The following SLC29A1 variants were observed in gnomAD, a reference collection of about 807,000 sequenced individuals.
SLC29A1 encodes solute carrier family 29 member 1 (Augustine blood group), also known as equilibrative nucleoside transporter 1.
SLC29A1 carries 22 observed loss-of-function variants against 48.3 expected under a neutral mutation model. That is an observed-to-expected ratio of 0.46 (90% CI 0.33 to 0.65). The LOEUF is 0.65. Ranked by LOEUF, SLC29A1 falls within the 30% of genes least tolerant of loss-of-function variation. The pLI is 0.03. For synonymous variants in SLC29A1, 228 were observed against 231.0 expected, an observed-to-expected ratio of 0.99 and a Z score of 0.12; for missense variants, 491 against 575.3, an observed-to-expected ratio of 0.85 and a Z score of 1.50.
chr6:44,229,797 T>C lies in SLC29A1; in HGVS notation c.314+6T>C. On this transcript the variant is annotated splice_donor_region_variant and intron_variant, in intron 4 of 12. Transcript: ENST00000371755. The surrounding 1 kb of genome is among the most constrained non-coding windows in gnomAD (Gnocchi z 5.1). The stretch of plus-strand genomic sequence containing the variant: ...AACTCCTTCCTGCATCAGAGGTGAG[T>C]GCCCACCCCCTCCCCAGCCCCCAGC... 2 of 1,612,770 alleles carry C rather than the reference T, an allele frequency of 1.2e-6. No homozygotes were observed. Among genetic ancestry groups the C allele is most frequent in the Non-Finnish European group, 1.7e-6 (2 of 1,179,372 alleles).
chr6:44,228,118 GAAGT>G (rs1347260214), intron 2 of SLC29A1, among the ~76,000 whole-genome samples: 1 of 152,150 alleles, frequency 6.6e-6, no homozygotes, highest in Non-Finnish European at 1.5e-5. Context: ...AGTGGATCTA[GAAGT>G]AAGGGAATTT....
In SLC29A1 at chr6:44,232,367, G is replaced by T. The variant is rs769473233; in HGVS notation, c.998G>T (p.Cys333Phe). Reference protein sequence around the residue: ...TWERYFIPVSCFLTFNIFDWL... With the variant: ...TWERYFIPVSFFLTFNIFDWL... ...GAACGTTACTTCATTCCTGTGTCCT[G>T]TTTCTTGACTTTCAATATCTTTGAC... is the stretch of plus-strand genomic sequence containing the variant. Residue 333 changes from cysteine to phenylalanine, a missense_variant, in exon 11 of 13, where the codon TGT becomes TTT. Cys to Phe is a radical substitution (Grantham distance 205). Transcript: ENST00000371755. This position sits in a 1 kb window ranked among gnomAD's most constrained non-coding sequence, Gnocchi z 4.7. 6.2e-7 allele frequency: 1 copy of T among 1,613,556 alleles called. No individual in the cohort carries two copies. Among genetic ancestry groups the T allele is most frequent in the Admixed American group, 1.7e-5 (1 of 60,018 alleles).
At chr6:44,227,230 G>A in intron 1 of SLC29A1, 33 bp from the exon 2 acceptor site, 4 of 1,599,058 alleles carry the variant, frequency 2.5e-6, no homozygotes, top group Non-Finnish European at 3.4e-6. Context: ...GCAGGGCCAA[G>A]ACAGGGCCTC....
chr6:44,221,580 C>T (rs1237720456), upstream of SLC29A1: 4 of 1,243,674 alleles, frequency 3.2e-6, no homozygotes, highest in African/African-American at 1.5e-5. The surrounding 1 kb of genome is among the most constrained non-coding windows in gnomAD (Gnocchi z 4.2). Flanking sequence ...CCCACCCCTT[C>T]GACAGGGACC....
Position 44,232,325 on chromosome 6 carries a change from G to A in SLC29A1, c.974-18G>A, listed in dbSNP as rs755277643. ...GCCTCTGTGAGCCTGATAACCACCCGTTCATCTCCTCTTCCAGAACGTTAC... is the reference window on the plus strand; with the variant it reads ...GCCTCTGTGAGCCTGATAACCACCCATTCATCTCCTCTTCCAGAACGTTAC... On this transcript the variant is annotated intron_variant, in intron 10 of 12. Coordinates refer to ENST00000371755, the MANE Select transcript of SLC29A1 (RefSeq NM_001372327.1). The surrounding 1 kb of genome is among the most constrained non-coding windows in gnomAD (Gnocchi z 4.7). 7.0e-6 allele frequency: 11 copies of A among 1,580,708 alleles called. No homozygotes were observed. Among genetic ancestry groups the A allele is most frequent in the South Asian group, 4.4e-5 (4 of 90,384 alleles).
At chr6:44,231,318 G>T in intron 8 of SLC29A1, 46 bp from the exon 9 acceptor site, 1 of 1,259,340 alleles carries the variant, frequency 7.9e-7, no homozygotes, top group East Asian at 2.5e-5. Flanking sequence ...GTTGTCTTCT[G>T]TTGCTCTGTC....
chr6:44,233,496 GT>G lies in SLC29A1; in HGVS notation c.1343del (p.Phe448SerfsTer44). 1 of 1,614,094 alleles carries G rather than the reference GT, an allele frequency of 6.2e-7. No homozygotes were observed. Among genetic ancestry groups the G allele is most frequent in the East Asian group, 2.2e-5 (1 of 44,878 alleles). On this transcript the variant is annotated frameshift_variant, in exon 13 of 13. Coordinates refer to ENST00000371755, the MANE Select transcript of SLC29A1 (RefSeq NM_001372327.1). LOFTEE classifies it high-confidence loss of function. ...FLCLGLALGA[V>X]FSFLFRAIV is the part of the protein sequence containing the mutation. ...GTGTCTGGGTCTGGCACTGGGGGCT[GT>G]TTTCTCCTTCCTGTTCCGGGCAATT...
Position 44,230,852 on chromosome 6 carries a change from C to A in SLC29A1, c.729C>A (p.Pro243=), listed in dbSNP as rs762995151. 5 of 1,613,946 alleles carry A rather than the reference C, an allele frequency of 3.1e-6. No individual in the cohort carries two copies. The Admixed American group carries it at 8.3e-5, about 27-fold the overall frequency. The part of the protein sequence containing the change: ...RYYQQLKLEG[P]GEQETKLDLI... ...ACCAGCAGCTCAAGCTTGAAGGACC[C>A]GGGGAGCAGGAGACCAAGTTGGACC... The change falls in exon 8 of 13, where the codon CCC becomes CCA. Residue 243 remains proline, a synonymous_variant. Transcript: ENST00000371755.
chr6:44,232,926 T>C lies in SLC29A1; in HGVS notation c.1179T>C (p.Asp393=), dbSNP rs923295939. The C allele has an allele frequency of 1.9e-6, 3 of 1,614,066 alleles. No individual in the cohort carries two copies. Among genetic ancestry groups the C allele is most frequent in the African/African-American group, 2.7e-5 (2 of 74,940 alleles). ...ACCTGACTGTGGTCTTCGAGCACGA[T>C]GCCTGGTTCATCTTCTTCATGGCTG... ...RRYLTVVFEH[D]AWFIFFMAAF... is the part of the protein sequence containing the mutation. Residue 393 remains aspartate, a synonymous_variant, in exon 12 of 13, where the codon GAT becomes GAC. Transcript: ENST00000371755. This position sits in a 1 kb window ranked among gnomAD's most constrained non-coding sequence, Gnocchi z 4.7.
intron 2 of SLC29A1, among the ~76,000 whole-genome samples, chr6:44,228,283 C>G (rs1223061484): frequency 6.6e-6 from 1 of 152,230 alleles, no homozygotes; most frequent in Non-Finnish European, 1.5e-5. Context: ...TATTGCACAG[C>G]TCAGTCATTT....
Position 44,229,541 on chromosome 6 carries a change from T to C in SLC29A1, c.112-48T>C. The stretch of plus-strand genomic sequence containing the variant: ...CTTGCAGGATCTGACTCTGTGCTGG[T>C]AGGCACAGGGAAAGAGATTTCAACA... On this transcript the variant is annotated intron_variant, in intron 3 of 12. Coordinates refer to ENST00000371755, the MANE Select transcript of SLC29A1 (RefSeq NM_001372327.1). This position sits in a 1 kb window ranked among gnomAD's most constrained non-coding sequence, Gnocchi z 5.1. 1 of 1,603,496 alleles carries C rather than the reference T, an allele frequency of 6.2e-7. No individual in the cohort carries two copies. Among genetic ancestry groups the C allele is most frequent in the South Asian group, 1.1e-5 (1 of 90,896 alleles).
rs1320742034 is a variant in SLC29A1, at chr6:44,229,314, G to A, written c.30-76G>A. On this transcript the variant is annotated intron_variant, in intron 2 of 12. Transcript: ENST00000371755. The surrounding 1 kb of genome is among the most constrained non-coding windows in gnomAD (Gnocchi z 5.1). The stretch of plus-strand genomic sequence containing the variant: ...GACCTAGAGAGACTGACAACGGACA[G>A]GGGCTTTCCTGGGGCTCATTGTGGA... 2.6e-6 allele frequency: 3 copies of A among 1,163,590 alleles called. No individual in the cohort carries two copies. The African/African-American group carries it at 4.5e-5, about 18-fold the overall frequency. 72.1% of individuals were successfully genotyped at this position (1,163,590 alleles called of 1,614,324 possible). A position where few individuals can be genotyped will look rare whatever the true frequency, so the allele number is the denominator to read the frequency against.
In SLC29A1 at chr6:44,229,811, C is replaced by T. The variant is rs1778413109; in HGVS notation, c.314+20C>T. 4 of 1,611,012 alleles carry T rather than the reference C, an allele frequency of 2.5e-6. No individual in the cohort carries two copies. The highest frequency in any genetic ancestry group is 3.4e-6 in the Non-Finnish European group (4 of 1,178,236). The stretch of plus-strand genomic sequence containing the variant: ...TCAGAGGTGAGTGCCCACCCCCTCC[C>T]CAGCCCCCAGCCTGACCCTCACTGT... On this transcript the variant is annotated intron_variant, in intron 4 of 12. Coordinates refer to ENST00000371755, the MANE Select transcript of SLC29A1 (RefSeq NM_001372327.1). This position sits in a 1 kb window ranked among gnomAD's most constrained non-coding sequence, Gnocchi z 5.1.
At position 44,223,943 on chromosome 6, in the gene SLC29A1, C is replaced by T. The variant is rs1021037831; in HGVS notation, c.-52+302C>T. ...AGGGGCAGGCGAGTGGACGGGTGAT[C>T]CCCATCGATCTGGTCGGTATCAGGG... is the stretch of plus-strand genomic sequence containing the variant. On this transcript the variant is annotated intron_variant, in intron 1 of 12. Transcript: ENST00000371755. The surrounding 1 kb of genome is among the most constrained non-coding windows in gnomAD (Gnocchi z 5.0). 3.3e-5 allele frequency: 33 copies of T among 989,106 alleles called. No homozygotes were observed. The highest frequency in any genetic ancestry group is 3.8e-5 in the Non-Finnish European group (32 of 832,566). 61.3% of individuals were successfully genotyped at this position (989,106 alleles called of 1,614,324 possible).
At chr6:44,221,570 C>T (rs1776426338), upstream of SLC29A1, 3 of 1,241,530 alleles carry the variant, frequency 2.4e-6, no homozygotes, top group African/African-American at 1.5e-5. The surrounding 1 kb of genome is among the most constrained non-coding windows in gnomAD (Gnocchi z 4.2). Flanking sequence ...CCCTTCCCAC[C>T]CCACCCCTTC....
At chr6:44,227,161 C>T (rs1380113550) in intron 1 of SLC29A1, 102 bp from the exon 2 acceptor site, 1 of 1,403,162 alleles carries the variant, frequency 7.1e-7, no homozygotes, top group African/African-American at 1.4e-5. Context: ...TGGACTCCTC[C>T]ACTGGCCTGT....
upstream of SLC29A1, among the ~76,000 whole-genome samples, chr6:44,220,919 G>T (rs769845141): frequency 2.0e-5 from 3 of 152,148 alleles, no homozygotes; most frequent in Non-Finnish European, 2.9e-5. Flanking sequence ...TTGCTCTGTT[G>T]CCCAGGCTGG....
chr6:44,233,545 G>A lies in SLC29A1; in HGVS notation c.*17G>A, dbSNP rs1218589894. On this transcript the variant is annotated 3_prime_UTR_variant, in exon 13 of 13. Transcript: ENST00000371755. ...ATTGTGTGACAAAGGATGGACAGAA[G>A]GACTGCCTGCCTCCCTCCCTGTCTG... 2.5e-6 allele frequency: 4 copies of A among 1,585,760 alleles called. No homozygotes were observed. The highest frequency in any genetic ancestry group is 2.2e-5 in the South Asian group (2 of 90,516).
intron 9 of SLC29A1, 117 bp from the exon 10 acceptor site, chr6:44,231,881 C>T (rs916530321): frequency 2.5e-5 from 18 of 725,330 alleles, no homozygotes; most frequent in African/African-American, 1.2e-4. Context: ...ACCTCGGCCT[C>T]CCAAAGTGCT....
Sources: allele counts gnomAD v4.1 joint callset (sites outside exome capture counted in the v4.1 genomes callset), GRCh38; gene constraint gnomAD v4.1.1; non-coding constraint Gnocchi (gnomAD v3.1); transcripts MANE v1.5; gene names NCBI Gene and HGNC (gene_info 2026-07-23, HGNC 2026-07-21).